The following MAN1A2 variants were observed in gnomAD, a reference collection of about 807,000 sequenced individuals.
MAN1A2 encodes mannosidase alpha class 1A member 2.
Under a neutral mutation model 75.7 loss-of-function variants are expected in MAN1A2, and 26 were observed. The ratio of observed to expected loss-of-function variants is 0.34; its 90% CI spans 0.25 to 0.48. The LOEUF is 0.48. Among genes scored for constraint, MAN1A2 ranks in the 20% least tolerant of loss-of-function variants. The pLI is 0.99. For missense variants in MAN1A2, 562 were observed against 775.5 expected (o/e 0.72, Z 3.27); for synonymous variants, 247 against 264.6 (o/e 0.93, Z 0.65).
intron 1 of MAN1A2, among the ~76,000 whole-genome samples, chr1:117,381,189 A>AT (rs113854026): frequency 8.6e-5 from 13 of 151,504 alleles, no homozygotes; most frequent in East Asian, 7.7e-4. Context: ...AGCGCAACTA[A>AT]TTTTTTTTTA....
chr1:117,467,288 G>T (rs1650009926), intron 8 of MAN1A2, among the ~76,000 whole-genome samples: 1 of 151,916 alleles, frequency 6.6e-6, no homozygotes, highest in African/African-American at 2.4e-5. Context: ...GAAATCTTAA[G>T]TAGTAAATAA....
intron 3 of MAN1A2, 64 bp downstream of exon 3, chr1:117,405,709 A>G: frequency 3.2e-6 from 3 of 937,250 alleles, no homozygotes; most frequent in Non-Finnish European, 3.5e-6. Context: ...ACAAGATGTA[A>G]CTTTTCAAAG....
chr1:117,438,643 C>G (rs1310512246), intron 5 of MAN1A2, among the ~76,000 whole-genome samples: 2 of 152,094 alleles, frequency 1.3e-5, no homozygotes, highest in Non-Finnish European at 2.9e-5. Context: ...CATTTTTAAT[C>G]TTGTATTCTG....
intron 1 of MAN1A2, among the ~76,000 whole-genome samples, 167 bp downstream of exon 1, chr1:117,368,652 T>TGGAG (rs1652851819): frequency 6.6e-6 from 1 of 152,046 alleles, no homozygotes; most frequent in Non-Finnish European, 1.5e-5. Context: ...CTGGAGGGAC[T>TGGAG]CTACCTCCAG....
rs1174222234 is a variant in MAN1A2 at position 117,382,415 on chromosome 1, C to G, written c.302+13930C>G. The stretch of plus-strand genomic sequence containing the variant: ...TTCTACATATGGCTAGCCAGTTTAC[C>G]CAGCACCATTTATTAAATAGGGAAT... On this transcript the variant is annotated intron_variant, in intron 1 of 12. Transcript: ENST00000356554. Among the ~76,000 whole-genome samples, 7 of 152,172 alleles carry G rather than the reference C, an allele frequency of 4.6e-5. 1 individual carries two copies. Among genetic ancestry groups the G allele is most frequent in the Non-Finnish European group, 8.8e-5 (6 of 68,030 alleles).
chr1:117,389,477 G>A (rs1200646737), intron 1 of MAN1A2, among the ~76,000 whole-genome samples: 1 of 152,128 alleles, frequency 6.6e-6, no homozygotes, highest in African/African-American at 2.4e-5. Context: ...GAATGCAAGT[G>A]GTAATGCTTG....
chr1:117,436,758 G>A (rs1648862862), intron 5 of MAN1A2, among the ~76,000 whole-genome samples: 1 of 152,292 alleles, frequency 6.6e-6, no homozygotes, highest in African/African-American at 2.4e-5. Context: ...TCATCCCAGT[G>A]TGATTGGGGT....
chr1:117,518,919 T>C (rs1478661875), intron 12 of MAN1A2, among the ~76,000 whole-genome samples: 4 of 152,022 alleles, frequency 2.6e-5, no homozygotes, highest in South Asian at 4.1e-4. Flanking sequence ...TTCTCCAAGA[T>C]AGACCATATG....
chr1:117,375,083 A>G (rs1653093811), intron 1 of MAN1A2, among the ~76,000 whole-genome samples: 1 of 152,134 alleles, frequency 6.6e-6, no homozygotes, highest in South Asian at 2.1e-4. Flanking sequence ...TGTAGTGGGT[A>G]TATTTACAAA....
intron 4 of MAN1A2, among the ~76,000 whole-genome samples, chr1:117,416,203 A>G (rs867587824): frequency 6.6e-6 from 1 of 152,088 alleles, no homozygotes; most frequent in African/African-American, 2.4e-5. Context: ...TATATGCCAC[A>G]TTAGTCATAT....
chr1:117,488,013 A>G (rs1481576791), intron 8 of MAN1A2, among the ~76,000 whole-genome samples: 1 of 152,028 alleles, frequency 6.6e-6, no homozygotes, highest in Non-Finnish European at 1.5e-5. Flanking sequence ...TTCAAAATTT[A>G]ATTGTGAATT....
intron 11 of MAN1A2, among the ~76,000 whole-genome samples, chr1:117,500,977 T>C (rs1482260021): frequency 6.6e-6 from 1 of 151,836 alleles, no homozygotes; most frequent in African/African-American, 2.4e-5. Context: ...TGCTCCTTAT[T>C]TACAGGAATG....
intron 1 of MAN1A2, among the ~76,000 whole-genome samples, chr1:117,376,205 C>G (rs1002616669): frequency 3.9e-5 from 6 of 152,192 alleles, no homozygotes; most frequent in Non-Finnish European, 8.8e-5. Context: ...CCCACTGCGC[C>G]CGGCCCTAAT....
At chr1:117,456,504 A>G (rs1040140573) in intron 6 of MAN1A2, among the ~76,000 whole-genome samples, 6 of 152,024 alleles carry the variant, frequency 3.9e-5, no homozygotes, top group Admixed American at 3.9e-4. Flanking sequence ...CCTATTTTCT[A>G]AAATGAAATT....
chr1:117,471,874 C>T lies in MAN1A2; in HGVS notation c.1168+5447C>T, dbSNP rs548372419. On this transcript the variant is annotated intron_variant, in intron 8 of 12. Transcript: ENST00000356554. ...GTCATATTCAGATACTGAGAAGAAA[C>T]CGGATCAGGTTTTGAGAAAACTAAT... Among the ~76,000 whole-genome samples the T allele has an allele frequency of 3.9e-5, 6 of 151,930 alleles. No individual in the cohort carries two copies. In the East Asian group the frequency reaches 1.2e-3, roughly 29 times the overall value.
chr1:117,391,750 A>G (rs1405052654), intron 1 of MAN1A2, among the ~76,000 whole-genome samples: 1 of 152,182 alleles, frequency 6.6e-6, no homozygotes, highest in Non-Finnish European at 1.5e-5. Context: ...CTTAAACTTA[A>G]CAGGTCTAAA....
At chr1:117,457,564 C>A (rs866380759) in intron 6 of MAN1A2, among the ~76,000 whole-genome samples, 18 of 151,914 alleles carry the variant, frequency 1.2e-4, no homozygotes, top group Admixed American at 3.3e-4. Flanking sequence ...AATTTAAAAA[C>A]CTTATTTAGA....
intron 5 of MAN1A2, among the ~76,000 whole-genome samples, chr1:117,432,282 GT>G (rs997314801): frequency 5.9e-5 from 9 of 151,654 alleles, no homozygotes; most frequent in African/African-American, 1.5e-4. Flanking sequence ...ATTATAAGCA[GT>G]TTTTTTGCAA....
chr1:117,500,297 G>A (rs1046113603), intron 11 of MAN1A2, among the ~76,000 whole-genome samples: 1 of 151,870 alleles, frequency 6.6e-6, no homozygotes, highest in South Asian at 2.1e-4. Context: ...CAGCTACTGC[G>A]TTAAGTGCTG....
Sources: gnomAD v4.1 joint callset for allele counts (sites outside exome capture counted in the v4.1 genomes callset) on GRCh38, gnomAD v4.1.1 for gene constraint, MANE v1.5 for transcripts, NCBI Gene and HGNC (gene_info 2026-07-23, HGNC 2026-07-21) for gene names.